The following KIAA1328 variants were observed in gnomAD, a reference collection of about 807,000 sequenced individuals.
KIAA1328 encodes the protein protein hinderin.
In KIAA1328, 52 loss-of-function variants were observed where a neutral mutation model predicts 68.1. That is an observed-to-expected ratio of 0.76 (90% CI 0.61 to 0.96). The LOEUF is 0.96. KIAA1328 is among the 40% of genes least tolerant of loss of function. The pLI, the probability that KIAA1328 is intolerant of heterozygous loss-of-function variation, is 0.00. For synonymous variants in KIAA1328, 232 were observed against 239.4 expected, an observed-to-expected ratio of 0.97 and a Z score of 0.28; for missense variants, 641 against 677.6, an observed-to-expected ratio of 0.95 and a Z score of 0.60.
At chr18:36,910,430 G>C (rs1454707496) in intron 5 of KIAA1328, among the ~76,000 whole-genome samples, 1 of 152,026 alleles carries the variant, frequency 6.6e-6, no homozygotes, top group Non-Finnish European at 1.5e-5. Flanking sequence ...TCAGATAGTT[G>C]TAGATGTGTG....
intron 5 of KIAA1328, among the ~76,000 whole-genome samples, chr18:36,923,451 G>T (rs927704560): frequency 6.6e-6 from 1 of 152,064 alleles, no homozygotes; most frequent in African/African-American, 2.4e-5. Flanking sequence ...ACCAAATTAG[G>T]AATGACAGAG....
At chr18:36,946,504 A>T (rs2050906815) in intron 5 of KIAA1328, 2 of 152,194 alleles carry the variant, frequency 1.3e-5, no homozygotes, top group Admixed American at 1.3e-4. Flanking sequence ...TTTGCTTTCC[A>T]ACAAGACCCA....
At chr18:37,047,640 T>C (rs2055527562) in intron 6 of KIAA1328, among the ~76,000 whole-genome samples, 1 of 152,218 alleles carries the variant, frequency 6.6e-6, no homozygotes, top group African/African-American at 2.4e-5. Flanking sequence ...TCTTCCAAAA[T>C]TTCGCATAAA....
At chr18:37,082,142 G>A (rs1388798552) in intron 7 of KIAA1328, among the ~76,000 whole-genome samples, 1 of 147,104 alleles carries the variant, frequency 6.8e-6, no homozygotes, top group Non-Finnish European at 1.5e-5. Flanking sequence ...TCTTTACTAA[G>A]CTTGTCATTT....
intron 9 of KIAA1328, among the ~76,000 whole-genome samples, chr18:37,181,382 TTG>T (rs2154215526): frequency 6.6e-6 from 1 of 152,182 alleles, no homozygotes; most frequent in African/African-American, 2.4e-5. Context: ...GGTTGATAAC[TTG>T]GAATTCCAGG....
intron 6 of KIAA1328, among the ~76,000 whole-genome samples, chr18:37,039,704 C>A (rs377224013): frequency 1.4e-3 from 212 of 152,278 alleles, no homozygotes; most frequent in African/African-American, 4.9e-3. Flanking sequence ...AGCCACCACA[C>A]CCTGCCTGTT....
intron 6 of KIAA1328, among the ~76,000 whole-genome samples, chr18:37,041,627 G>T (rs993515912): frequency 1.5e-5 from 2 of 130,368 alleles, no homozygotes; most frequent in African/African-American, 2.8e-5. Context: ...CTTCCTTACT[G>T]CCTTTTTTGT....
intron 6 of KIAA1328, among the ~76,000 whole-genome samples, chr18:37,051,149 C>T (rs1401038602): frequency 6.6e-6 from 1 of 151,786 alleles, no homozygotes; most frequent in African/African-American, 2.4e-5. Context: ...AAAATTTCAA[C>T]TTTCACGAAA....
intron 6 of KIAA1328, among the ~76,000 whole-genome samples, chr18:37,018,915 A>G (rs2054242861): frequency 6.6e-6 from 1 of 151,884 alleles, no homozygotes. Context: ...TGGATTCTTT[A>G]TCTGCCATTT....
At chr18:36,967,239 A>G (rs1363455764) in intron 6 of KIAA1328, among the ~76,000 whole-genome samples, 1 of 152,222 alleles carries the variant, frequency 6.6e-6, no homozygotes, top group Non-Finnish European at 1.5e-5. Flanking sequence ...TCAACTTACC[A>G]TTTCTAGCTT....
intron 6 of KIAA1328, among the ~76,000 whole-genome samples, chr18:37,041,923 G>A (rs997711553): frequency 6.6e-6 from 1 of 152,144 alleles, no homozygotes; most frequent in East Asian, 1.9e-4. Context: ...ACAGGGACTT[G>A]CTCTGTCACC....
At chr18:37,057,248 T>C (rs1268316736) in intron 6 of KIAA1328, among the ~76,000 whole-genome samples, 4 of 152,128 alleles carry the variant, frequency 2.6e-5, no homozygotes, top group Non-Finnish European at 5.9e-5. Flanking sequence ...TTTAGTATAA[T>C]CATCAAGTTC....
At chr18:37,013,971 G>A (rs1450542925) in intron 6 of KIAA1328, among the ~76,000 whole-genome samples, 1 of 152,200 alleles carries the variant, frequency 6.6e-6, no homozygotes, top group Non-Finnish European at 1.5e-5. Context: ...AACAGTGTAT[G>A]AACAGTCCTT....
At chr18:37,154,755 T>C (rs1422400093) in intron 7 of KIAA1328, among the ~76,000 whole-genome samples, 1 of 152,206 alleles carries the variant, frequency 6.6e-6, no homozygotes, top group Non-Finnish European at 1.5e-5. Flanking sequence ...TATATTCTCA[T>C]GTTTATCACA....
intron 6 of KIAA1328, among the ~76,000 whole-genome samples, chr18:37,016,793 C>A (rs1396628572): frequency 6.6e-6 from 1 of 152,054 alleles, no homozygotes; most frequent in African/African-American, 2.4e-5. Flanking sequence ...TTTTGTATTT[C>A]TGTGGTATTG....
At chr18:37,191,528 A>G (rs1185071457) in intron 9 of KIAA1328, among the ~76,000 whole-genome samples, 1 of 152,166 alleles carries the variant, frequency 6.6e-6, no homozygotes, top group African/African-American at 2.4e-5. Context: ...CCAATCCATC[A>G]TGGCTTGCAT....
chr18:37,222,345 G>C lies in KIAA1328; in HGVS notation c.*118G>C, dbSNP rs2154226273. ...CCTTTCACGGGGACTTGTCTCACTA[G>C]CATCCTGTTACGTATTGAATATAGA... On this transcript the variant is annotated 3_prime_UTR_variant, in exon 10 of 10. Coordinates refer to ENST00000280020, the MANE Select transcript of KIAA1328 (RefSeq NM_020776.3). 7 of 1,484,824 alleles carry C rather than the reference G, an allele frequency of 4.7e-6. No homozygotes were observed. The South Asian group carries it at 9.8e-5, about 21-fold the overall frequency. The allele number at this position is 1,484,824 out of a possible 1,614,324, so 92.0% of individuals were successfully genotyped here.
intron 6 of KIAA1328, among the ~76,000 whole-genome samples, chr18:36,973,849 A>ACACG (rs1269965463): frequency 2.6e-5 from 4 of 151,752 alleles, no homozygotes; most frequent in Non-Finnish European, 5.9e-5. Context: ...ACACACACAC[A>ACACG]CATATATATC....
chr18:36,989,641 A>C (rs7238832), intron 6 of KIAA1328, among the ~76,000 whole-genome samples: 111,416 of 152,136 alleles, frequency 0.73, 43,950 homozygotes, highest in South Asian at 0.89. Context: ...GCCAAGGAAG[A>C]CAAATGATAT....
Sources: allele counts gnomAD v4.1 joint callset (sites outside exome capture counted in the v4.1 genomes callset), GRCh38; gene constraint gnomAD v4.1.1; transcripts MANE v1.5; gene names NCBI Gene and HGNC (gene_info 2026-07-23, HGNC 2026-07-21).